Variants in RPS6KA3 observed in about 807,000 individuals in gnomAD.
RPS6KA3 encodes ribosomal protein S6 kinase A3.
A neutral mutation model predicts 67.2 loss-of-function variants in RPS6KA3; 4 were observed. The observed-to-expected ratio is 0.06, with a 90% confidence interval of 0.03 to 0.14. The LOEUF (loss-of-function observed/expected upper bound fraction) is 0.14. Ranked by LOEUF, RPS6KA3 falls within the 10% of genes least tolerant of loss-of-function variation. RPS6KA3 has a pLI of 1.00. For synonymous variants in RPS6KA3, 182 were observed against 183.7 expected (o/e 0.99, Z 0.07); for missense variants, 204 against 559.0 (o/e 0.36, Z 6.40).
chrX:20,207,186 G>A (rs2068593391), intron 3 of RPS6KA3, among the ~76,000 whole-genome samples: 1 of 111,878 alleles, frequency 8.9e-6, no homozygotes, highest in African/African-American at 3.2e-5. Context: ...ATTCTCAAGG[G>A]GTGGCAGGCA....
In RPS6KA3 at chrX:20,182,676, G is replaced by A. The variant is rs760615071; in HGVS notation, c.845+3620C>T. On this transcript the variant is annotated intron_variant, in intron 10 of 21. Coordinates refer to ENST00000379565, the MANE Select transcript of RPS6KA3 (RefSeq NM_004586.3). ...AACGGCTTTGTACTTGTTTTTTGATGTGTGAGTAACTAGATTCTTTTAACA... is the reference window on the plus strand; with the variant it reads ...AACGGCTTTGTACTTGTTTTTTGATATGTGAGTAACTAGATTCTTTTAACA... 1.3e-4 allele frequency among the ~76,000 whole-genome samples: 15 copies of A among 111,766 alleles called. No homozygotes were observed. The South Asian group carries it at 5.2e-3, about 39-fold the overall frequency.
chrX:20,199,945 A>G (rs1390600240), intron 4 of RPS6KA3, among the ~76,000 whole-genome samples: 2 of 112,337 alleles, frequency 1.8e-5, no homozygotes, highest in Non-Finnish European at 3.8e-5. Context: ...CAGGCGGTAG[A>G]ATAAAGCCAT....
At position 20,266,765 on chromosome X, in the gene RPS6KA3, G is replaced by GGCAGCA. The variant is rs1260302072; in HGVS notation, c.-139_-134dup. ...CGGCGGCGGCAGCGGCAGCGGCAGC[G>GGCAGCA]GCAGCAGCAGCAGCAGCGGCGGCGG... On this transcript the variant is annotated 5_prime_UTR_variant, in exon 1 of 22. Coordinates refer to ENST00000379565, the MANE Select transcript of RPS6KA3 (RefSeq NM_004586.3). The GGCAGCA allele has an allele frequency of 7.8e-5, 7 of 89,825 alleles. No homozygotes were observed. Among genetic ancestry groups the GGCAGCA allele is most frequent in the Non-Finnish European group, 1.1e-4 (7 of 64,798 alleles). 7.4% of individuals were successfully genotyped at this position (89,825 alleles called of 1,213,427 possible). A position where few individuals can be genotyped will look rare whatever the true frequency, so the allele number is the denominator to read the frequency against.
intron 7 of RPS6KA3, among the ~76,000 whole-genome samples, chrX:20,189,190 T>C (rs191289896): frequency 1.3e-4 from 14 of 111,904 alleles, no homozygotes; most frequent in South Asian, 3.7e-4. Flanking sequence ...TTGTTTTTCA[T>C]TGACCCCTCC....
intron 20 of RPS6KA3, among the ~76,000 whole-genome samples, chrX:20,160,525 C>T (rs1265833923): frequency 9.0e-6 from 1 of 111,298 alleles, no homozygotes; most frequent in Non-Finnish European, 1.9e-5. Flanking sequence ...CTCCCTAGCT[C>T]AAGCAATTTT....
intron 2 of RPS6KA3, among the ~76,000 whole-genome samples, chrX:20,229,008 A>G (rs1267207871): frequency 2.7e-5 from 3 of 111,907 alleles, no homozygotes; most frequent in Non-Finnish European, 5.6e-5. Context: ...CACCTAATAG[A>G]CATTCATTAA....
chrX:20,171,158 A>ATGAT (rs1333336014), intron 15 of RPS6KA3, among the ~76,000 whole-genome samples: 1 of 112,331 alleles, frequency 8.9e-6, no homozygotes, highest in Admixed American at 9.5e-5. Flanking sequence ...AACATACAAA[A>ATGAT]TAATCGACTA....
intron 10 of RPS6KA3, among the ~76,000 whole-genome samples, chrX:20,179,855 C>A (rs775094006): frequency 1.7e-3 from 190 of 110,389 alleles, no homozygotes; most frequent in Non-Finnish European, 3.1e-3. Context: ...CTTTGGGAGG[C>A]GGAGGTGGGA....
intron 2 of RPS6KA3, among the ~76,000 whole-genome samples, chrX:20,210,967 A>G (rs1451928028): frequency 9.2e-6 from 1 of 108,810 alleles, no homozygotes; most frequent in African/African-American, 3.4e-5. Context: ...CCATTAGTAC[A>G]ACAGGAAAGG....
intron 1 of RPS6KA3, among the ~76,000 whole-genome samples, chrX:20,248,038 C>T (rs1389442441): frequency 9.0e-6 from 1 of 110,903 alleles, no homozygotes; most frequent in African/African-American, 3.3e-5. Flanking sequence ...ACATTTTTGT[C>T]GCTATTATGA....
At chrX:20,204,964 G>T (rs1361213035) in intron 3 of RPS6KA3, among the ~76,000 whole-genome samples, 2 of 111,694 alleles carry the variant, frequency 1.8e-5, no homozygotes, top group Non-Finnish European at 3.8e-5. Context: ...AACTTACACT[G>T]AAGAATCCTG....
intron 1 of RPS6KA3, 150 bp downstream of exon 1, chrX:20,266,414 C>T: frequency 1.3e-5 from 6 of 468,959 alleles, no homozygotes; most frequent in Non-Finnish European, 1.5e-5. Flanking sequence ...CCAATAGACC[C>T]ACCCCAACAA....
At chrX:20,167,524 A>G in intron 17 of RPS6KA3, 65 bp downstream of exon 17, 1 of 1,034,456 alleles carries the variant, frequency 9.7e-7, no homozygotes, top group Non-Finnish European at 1.4e-6. Flanking sequence ...TTTCTATCTA[A>G]TTCTAGCTCA....
chrX:20,196,763 A>T (rs1231065254), intron 4 of RPS6KA3, among the ~76,000 whole-genome samples: 2 of 112,030 alleles, frequency 1.8e-5, no homozygotes, highest in Non-Finnish European at 3.8e-5. Context: ...TCCAGTTAGT[A>T]TATCAAATTC....
At chrX:20,169,366 C>A in intron 16 of RPS6KA3, 36 bp downstream of exon 16, 2 of 858,056 alleles carry the variant, frequency 2.3e-6, no homozygotes, top group Non-Finnish European at 3.5e-6. Context: ...AGTTAGACAA[C>A]TGATTCAAAT....
At chrX:20,185,629 C>A (rs2067963082) in intron 10 of RPS6KA3, among the ~76,000 whole-genome samples, 1 of 111,619 alleles carries the variant, frequency 9.0e-6, no homozygotes, top group African/African-American at 3.3e-5. Context: ...TGGATACAGT[C>A]ATGTTATCTA....
At chrX:20,243,133 A>C (rs750291289) in intron 1 of RPS6KA3, among the ~76,000 whole-genome samples, 1 of 112,110 alleles carries the variant, frequency 8.9e-6, no homozygotes, top group Non-Finnish European at 1.9e-5. Context: ...GCTGAGTTAA[A>C]AAAGTCATTT....
intron 18 of RPS6KA3, among the ~76,000 whole-genome samples, chrX:20,163,265 G>A (rs1203609319): frequency 9.0e-6 from 1 of 111,122 alleles, no homozygotes; most frequent in African/African-American, 3.3e-5. Context: ...AGTGCTGTAG[G>A]TACACAGGAA....
chrX:20,154,643 T>G lies in RPS6KA3; in HGVS notation c.*755A>C, dbSNP rs1005063010. On this transcript the variant is annotated 3_prime_UTR_variant, in exon 22 of 22. Coordinates refer to ENST00000379565, the MANE Select transcript of RPS6KA3 (RefSeq NM_004586.3). Reference sequence around the variant, plus strand: ...GCCACACACATATGATAACTTTCTCTACCATAACAGCTCTCTAGGTTAGTC... The same window carrying G: ...GCCACACACATATGATAACTTTCTCGACCATAACAGCTCTCTAGGTTAGTC... The G allele has an allele frequency of 2.7e-5, 3 of 113,111 alleles. No homozygotes were observed. The highest frequency in any genetic ancestry group is 5.6e-5 in the Non-Finnish European group (3 of 53,596). The allele number at this position is 113,111 out of a possible 1,213,427, so 9.3% of individuals were successfully genotyped here.
Sources: allele counts gnomAD v4.1 joint callset (sites outside exome capture counted in the v4.1 genomes callset), GRCh38; gene constraint gnomAD v4.1.1; transcripts MANE v1.5; gene names NCBI Gene and HGNC (gene_info 2026-07-23, HGNC 2026-07-21).